DNAH12: variants seen among roughly 807,000 people sequenced by gnomAD.
The protein encoded by DNAH12 is axonemal beta dynein heavy chain 12.
In DNAH12, 285 loss-of-function variants were observed where a neutral mutation model predicts 371.5. The ratio of observed to expected loss-of-function variants is 0.77; its 90% CI spans 0.70 to 0.85. The LOEUF (loss-of-function observed/expected upper bound fraction) is 0.85, where lower values mean the gene tolerates loss of function less well. Among genes scored for constraint, DNAH12 ranks in the 40% least tolerant of loss-of-function variants. DNAH12 has a pLI of 0.00. For synonymous variants in DNAH12, 1,200 were observed against 1,213.0 expected (o/e 0.99, Z 0.22); for missense variants, 3,611 against 3,689.4 (o/e 0.98, Z 0.55).
rs1326237791 is a variant in DNAH12 at position 57,389,839 on chromosome 3, T to TATATATATATATATATATATATATAAAA, written c.7305+2032_7305+2033insTTTTATATATATATATATATATATATAT. Among the ~76,000 whole-genome samples, 76 of 84,594 alleles carry TATATATATATATATATATATATATAAAA rather than the reference T, an allele frequency of 9.0e-4. 4 individuals carry two copies. Among genetic ancestry groups the TATATATATATATATATATATATATAAAA allele is most frequent in the Middle Eastern group, 8.2e-3 (1 of 122 alleles). 55.5% of individuals were successfully genotyped at this position (84,594 alleles called of 152,430 possible). A position where few individuals can be genotyped will look rare whatever the true frequency, so the allele number is the denominator to read the frequency against. ...GTGTGTGTGTATATATATATATATA[T>TATATATATATATATATATATATATAAAA]AATACTTTTTTTTTTGAAATGGAGT... On this transcript the variant is annotated intron_variant, in intron 45 of 73. Coordinates refer to ENST00000495027, the MANE Select transcript of DNAH12 (RefSeq NM_001366028.2).
At chr3:57,423,257 A>G (rs1317994215) in intron 35 of DNAH12, among the ~76,000 whole-genome samples, 1 of 152,210 alleles carries the variant, frequency 6.6e-6, no homozygotes, top group African/African-American at 2.4e-5. Flanking sequence ...AACAGAATAA[A>G]ATGTTCAGGA....
intron 69 of DNAH12, among the ~76,000 whole-genome samples, chr3:57,302,598 C>CA (rs1394327912): frequency 8.6e-5 from 3 of 34,866 alleles, no homozygotes. Context: ...TTTTTTGAGA[C>CA]AGAGTTTCAT....
At chr3:57,391,507 T>C (rs983138216) in intron 45 of DNAH12, among the ~76,000 whole-genome samples, 2 of 152,202 alleles carry the variant, frequency 1.3e-5, no homozygotes, top group Non-Finnish European at 2.9e-5. Context: ...CAATTCCTCA[T>C]AATAAATTTC....
the DNAH12 span, among the ~76,000 whole-genome samples, chr3:57,549,565 T>A: frequency 6.6e-6 from 1 of 151,810 alleles, no homozygotes; most frequent in African/African-American, 2.4e-5. Context: ...AATCTGTTTC[T>A]CTCTCTCTCT....
chr3:57,307,215 C>T (rs974800382), intron 69 of DNAH12, among the ~76,000 whole-genome samples: 5 of 141,908 alleles, frequency 3.5e-5, no homozygotes, highest in African/African-American at 1.1e-4. Context: ...CCTTCCTAGG[C>T]ATGGTTAGAT....
At chr3:57,450,121 G>A (rs1006187186) in intron 25 of DNAH12, among the ~76,000 whole-genome samples, 1 of 152,156 alleles carries the variant, frequency 6.6e-6, no homozygotes, top group Non-Finnish European at 1.5e-5. Context: ...AGTGGCACAT[G>A]CCTGTAATCC....
chr3:57,411,087 A>G (rs1418097140), intron 39 of DNAH12, among the ~76,000 whole-genome samples: 1 of 152,208 alleles, frequency 6.6e-6, no homozygotes. Flanking sequence ...TGCAGATAAC[A>G]TGATGATCTA....
chr3:57,547,449 C>T (rs760758390), upstream of DNAH12, among the ~76,000 whole-genome samples: 150 of 152,182 alleles, frequency 9.9e-4, 1 homozygote, highest in Middle Eastern at 3.4e-3. Context: ...TGAGCCACCA[C>T]GCCTGGCCGA....
chr3:57,402,028 A>G (rs2063885346), intron 43 of DNAH12, among the ~76,000 whole-genome samples: 1 of 152,236 alleles, frequency 6.6e-6, no homozygotes, highest in African/African-American at 2.4e-5. Context: ...CGTTCTTGCT[A>G]CTATGAAGTA....
intron 62 of DNAH12, among the ~76,000 whole-genome samples, chr3:57,326,938 C>A (rs889990048): frequency 4.6e-5 from 7 of 152,038 alleles, no homozygotes; most frequent in African/African-American, 1.7e-4. Flanking sequence ...GACTTTAAAC[C>A]AACAAAGATC....
chr3:57,465,893 G>T (rs1045594667), intron 17 of DNAH12, among the ~76,000 whole-genome samples: 1 of 152,094 alleles, frequency 6.6e-6, no homozygotes, highest in Non-Finnish European at 1.5e-5. Context: ...TAAGAGAAAT[G>T]AAAATTCTCC....
chr3:57,551,253 A>G, the DNAH12 span, among the ~76,000 whole-genome samples: 2 of 151,154 alleles, frequency 1.3e-5, no homozygotes, highest in South Asian at 4.2e-4. Flanking sequence ...CGTACTCTGT[A>G]TACAAAATTA....
chr3:57,296,839 T>A lies in DNAH12; in HGVS notation c.11532+8A>T. The A allele has an allele frequency of 6.4e-7, 1 of 1,551,370 alleles. No homozygotes were observed. The highest frequency in any genetic ancestry group is 8.7e-7 in the Non-Finnish European group (1 of 1,146,882). ...TGATATACTGTTGACTTTAAGGAGTTACTATACCTCAAATTCATATCCTAG... is the reference window on the plus strand; with the variant it reads ...TGATATACTGTTGACTTTAAGGAGTAACTATACCTCAAATTCATATCCTAG... On this transcript the variant is annotated splice_region_variant and intron_variant, in intron 71 of 73. Transcript: ENST00000495027.
chr3:57,310,360 A>C (rs1174468517), intron 67 of DNAH12, among the ~76,000 whole-genome samples: 1 of 152,232 alleles, frequency 6.6e-6, no homozygotes, highest in East Asian at 1.9e-4. Context: ...GCTCATGTGC[A>C]CAGAAAAATG....
At chr3:57,547,421 G>A (rs1195453039), upstream of DNAH12, among the ~76,000 whole-genome samples, 2 of 151,806 alleles carry the variant, frequency 1.3e-5, no homozygotes, top group Admixed American at 1.3e-4. Context: ...GCCTCTAGAT[G>A]TGCTAGGATT....
chr3:57,499,075 T>C (rs185243963), intron 11 of DNAH12, among the ~76,000 whole-genome samples: 58 of 151,928 alleles, frequency 3.8e-4, no homozygotes, highest in Admixed American at 3.3e-3. Flanking sequence ...AACAAATAAA[T>C]CTCAAAAACT....
At chr3:57,539,876 A>C (rs1443178741) in intron 2 of DNAH12, among the ~76,000 whole-genome samples, 1 of 151,716 alleles carries the variant, frequency 6.6e-6, no homozygotes, top group African/African-American at 2.4e-5. Context: ...TCAGCCTCCC[A>C]AAGTGCTGGG....
rs2066425025 is a variant in DNAH12 at position 57,473,393 on chromosome 3, G to A, written c.1651-722C>T. On this transcript the variant is annotated intron_variant, in intron 13 of 73. Coordinates refer to ENST00000495027, the MANE Select transcript of DNAH12 (RefSeq NM_001366028.2). The stretch of plus-strand genomic sequence containing the variant: ...TCCCAGCTACTTGGAGGCTGAGGCA[G>A]GAGAATTGCTTGAACCCAGGAGGTG... 2.0e-5 allele frequency among the ~76,000 whole-genome samples: 3 copies of A among 152,194 alleles called. No individual in the cohort carries two copies. The South Asian group carries it at 6.2e-4, about 32-fold the overall frequency.
At chr3:57,467,700 G>T (rs944960949) in intron 17 of DNAH12, among the ~76,000 whole-genome samples, 2 of 152,048 alleles carry the variant, frequency 1.3e-5, no homozygotes, top group African/African-American at 4.8e-5. Context: ...TATGCAATCT[G>T]CCCTAATAGG....
Sources: allele counts gnomAD v4.1 joint callset (sites outside exome capture counted in the v4.1 genomes callset), GRCh38; gene constraint gnomAD v4.1.1; transcripts MANE v1.5; gene names NCBI Gene and HGNC (gene_info 2026-07-23, HGNC 2026-07-21).